SCML4: variants seen among roughly 807,000 people sequenced by gnomAD.
SCML4 encodes the protein sex comb on midleg-like protein 4.
SCML4 carries 34 observed loss-of-function variants against 41.1 expected under a neutral mutation model. The observed-to-expected ratio is 0.83, with a 90% CI of 0.63 to 1.10. SCML4 has a LOEUF of 1.10. Ranked by LOEUF, SCML4 falls within the 50% of genes least tolerant of loss-of-function variation. SCML4 has a pLI of 0.00. For missense variants in SCML4, 522 were observed against 534.1 expected (o/e 0.98, Z 0.22); for synonymous variants, 214 against 220.9 (o/e 0.97, Z 0.28).
chr6:107,752,856 G>A lies in SCML4; in HGVS notation c.157-3043C>T, dbSNP rs1056690526. On this transcript the variant is annotated intron_variant, in intron 2 of 7. Coordinates refer to ENST00000369020, the MANE Select transcript of SCML4 (RefSeq NM_198081.5). The stretch of plus-strand genomic sequence containing the variant: ...GATATAGTATGTTAGAAGGTGATAA[G>A]AGCCAATGGTGAAAATAAAGAAGCA... 3.9e-5 allele frequency among the ~76,000 whole-genome samples: 6 copies of A among 152,244 alleles called. No individual in the cohort carries two copies. The South Asian group carries it at 8.3e-4, about 21-fold the overall frequency.
At chr6:107,795,637 C>T (rs1158193467) in intron 1 of SCML4, among the ~76,000 whole-genome samples, 2 of 152,170 alleles carry the variant, frequency 1.3e-5, no homozygotes, top group Non-Finnish European at 2.9e-5. Context: ...AAGTGATTCT[C>T]CTGCCTCAGC....
intron 5 of SCML4, among the ~76,000 whole-genome samples, chr6:107,741,714 C>T (rs191841087): frequency 1.4e-3 from 219 of 152,342 alleles, no homozygotes; most frequent in Middle Eastern, 0.01. Context: ...ATGCTTCAAT[C>T]ATTCACTAGA....
intron 1 of SCML4, among the ~76,000 whole-genome samples, chr6:107,793,562 G>A (rs1299181804): frequency 1.3e-5 from 2 of 152,152 alleles, no homozygotes; most frequent in Admixed American, 6.5e-5. Context: ...TCTTTCTGTC[G>A]CTTCTTTATA....
intron 4 of SCML4, chr6:107,746,437 G>A: frequency 2.3e-6 from 1 of 436,930 alleles, no homozygotes; most frequent in Admixed American, 4.3e-5. Flanking sequence ...CCGGTGAGTT[G>A]GAAGTGGGAA....
chr6:107,812,176 C>T lies in SCML4; in HGVS notation c.-60+11950G>A, dbSNP rs960635715. On this transcript the variant is annotated intron_variant, in intron 1 of 7. Coordinates refer to ENST00000369020, the MANE Select transcript of SCML4 (RefSeq NM_198081.5). ...TGAGGGCAGCTGGAATTCTGAAGCC[C>T]GGCTCAAACATTCCCAGAATTAGTC... Among the ~76,000 whole-genome samples, 5 of 152,186 alleles carry T rather than the reference C, an allele frequency of 3.3e-5. No homozygotes were observed. In the East Asian group the frequency reaches 5.8e-4, roughly 18 times the overall value.
chr6:107,709,533 A>G (rs751943203), intron 6 of SCML4, among the ~76,000 whole-genome samples: 1 of 152,142 alleles, frequency 6.6e-6, no homozygotes, highest in Non-Finnish European at 1.5e-5. Flanking sequence ...GTTGTGACCG[A>G]CCGAATGTCT....
chr6:107,811,025 C>T (rs1012258009), intron 1 of SCML4, among the ~76,000 whole-genome samples: 1 of 152,002 alleles, frequency 6.6e-6, no homozygotes, highest in Non-Finnish European at 1.5e-5. Flanking sequence ...GGGCTGGTGT[C>T]TTTATAAGTA....
chr6:107,737,607 T>C (rs976526934), intron 5 of SCML4, among the ~76,000 whole-genome samples: 2 of 152,068 alleles, frequency 1.3e-5, no homozygotes, highest in Non-Finnish European at 2.9e-5. Flanking sequence ...AGCAGGACTC[T>C]GCCAGCCCAC....
At chr6:107,716,633 A>T (rs919600714) in intron 6 of SCML4, among the ~76,000 whole-genome samples, 4 of 152,100 alleles carry the variant, frequency 2.6e-5, no homozygotes, top group African/African-American at 9.7e-5. Flanking sequence ...AGAACTATAG[A>T]TGAGGAAACA....
Sources: allele counts gnomAD v4.1 joint callset (sites outside exome capture counted in the v4.1 genomes callset), GRCh38; gene constraint gnomAD v4.1.1; transcripts MANE v1.5; gene names NCBI Gene and HGNC (gene_info 2026-07-23, HGNC 2026-07-21).